The following WWOX variants were observed in gnomAD, a reference collection of about 807,000 sequenced individuals.
The protein encoded by WWOX is WW domain-containing oxidoreductase.
A neutral mutation model predicts 46.2 loss-of-function variants in WWOX; 69 were observed. The observed-to-expected ratio is 1.49, with a 90% CI of 1.23 to 1.82. WWOX has a LOEUF of 1.82. Ranked by LOEUF, WWOX falls within the 40% of genes most tolerant of loss-of-function variation. The pLI is 0.00. For synonymous variants in WWOX, 359 were observed against 202.6 expected (o/e 1.77, Z -6.56); for missense variants, 919 against 542.6 (o/e 1.69, Z -6.89).
chr16:78,595,431 C>T (rs529016097), intron 8 of WWOX, among the ~76,000 whole-genome samples: 3 of 152,146 alleles, frequency 2.0e-5, no homozygotes, highest in Admixed American at 6.5e-5. Flanking sequence ...ACGTAATATT[C>T]GTTGGGATCA....
rs11865034 is a variant in WWOX, at chr16:78,229,703, G to C, written c.516+65414G>C. Among the ~76,000 whole-genome samples, 544 of 151,980 alleles carry C rather than the reference G, an allele frequency of 3.6e-3. 5 individuals are homozygous for C. The highest frequency in any genetic ancestry group is 0.012 in the African/African-American group (502 of 41,432). The stretch of plus-strand genomic sequence containing the variant: ...TAAGTGGACAGTTTCAGTGTTGGTA[G>C]CTCATTTAAGCCATAAACATGCAGA... On this transcript the variant is annotated intron_variant, in intron 5 of 8. Coordinates refer to ENST00000566780, the MANE Select transcript of WWOX (RefSeq NM_016373.4).
At chr16:78,928,654 G>T (rs1472648932) in intron 8 of WWOX, among the ~76,000 whole-genome samples, 2 of 146,268 alleles carry the variant, frequency 1.4e-5, no homozygotes, top group South Asian at 2.2e-4. Context: ...GGGTTTCTTT[G>T]ACTTACTGGA....
At chr16:78,944,588 G>C (rs560004854) in intron 8 of WWOX, among the ~76,000 whole-genome samples, 1 of 152,224 alleles carries the variant, frequency 6.6e-6, no homozygotes, top group South Asian at 2.1e-4. Flanking sequence ...ACTCTGAATT[G>C]AGTGACTCTT....
At chr16:78,800,391 C>T (rs1386889784) in intron 8 of WWOX, among the ~76,000 whole-genome samples, 1 of 152,076 alleles carries the variant, frequency 6.6e-6, no homozygotes, top group African/African-American at 2.4e-5. Context: ...GACCAGCTGT[C>T]GTTATATAAT....
At chr16:78,707,463 T>C (rs1196359093) in intron 8 of WWOX, among the ~76,000 whole-genome samples, 2 of 152,210 alleles carry the variant, frequency 1.3e-5, no homozygotes, top group African/African-American at 2.4e-5. Context: ...CTAGTTGGTA[T>C]AGCTTCCTTC....
chr16:78,334,802 A>ACGCGTG (rs1386510573), intron 5 of WWOX, among the ~76,000 whole-genome samples: 10 of 56,736 alleles, frequency 1.8e-4, no homozygotes, highest in Middle Eastern at 0.019. Context: ...CCACACACAC[A>ACGCGTG]CACACGCACA....
At chr16:79,194,714 C>G (rs2051204417) in intron 8 of WWOX, among the ~76,000 whole-genome samples, 1 of 152,182 alleles carries the variant, frequency 6.6e-6, no homozygotes, top group Non-Finnish European at 1.5e-5. Context: ...GTGCTACTTT[C>G]TCCATCTGCT....
At chr16:78,736,779 T>A (rs547491881) in intron 8 of WWOX, among the ~76,000 whole-genome samples, 25 of 152,220 alleles carry the variant, frequency 1.6e-4, no homozygotes, top group South Asian at 2.1e-4. Context: ...ACTAAATTTT[T>A]AAAAATTTTT....
At chr16:78,844,000 A>G (rs1209173634) in intron 8 of WWOX, among the ~76,000 whole-genome samples, 1 of 152,190 alleles carries the variant, frequency 6.6e-6, no homozygotes, top group Non-Finnish European at 1.5e-5. Flanking sequence ...TGTATTCAAC[A>G]TGCTCTGAGA....
At chr16:78,884,773 C>T (rs2151219423) in intron 8 of WWOX, among the ~76,000 whole-genome samples, 1 of 152,260 alleles carries the variant, frequency 6.6e-6, no homozygotes. Context: ...TTTAATGACA[C>T]ATGTATGTTT....
intron 8 of WWOX, among the ~76,000 whole-genome samples, chr16:78,722,706 T>TTG (rs1470685240): frequency 9.6e-6 from 1 of 103,996 alleles, no homozygotes; most frequent in Non-Finnish European, 2.4e-5. Context: ...CTGTTTTTTT[T>TTG]TTTTTTTTTT....
At chr16:78,779,641 G>A (rs2050276665) in intron 8 of WWOX, among the ~76,000 whole-genome samples, 1 of 152,184 alleles carries the variant, frequency 6.6e-6, no homozygotes, top group South Asian at 2.1e-4. Flanking sequence ...TCAGGGAATC[G>A]TAGCAGAGGG....
chr16:78,726,064 G>T (rs2048824360), intron 8 of WWOX, among the ~76,000 whole-genome samples: 1 of 94,574 alleles, frequency 1.1e-5, no homozygotes, highest in South Asian at 4.0e-4. Flanking sequence ...ACTCCTCCCT[G>T]CTTCCCTTCC....
In WWOX at chr16:78,101,628, C is replaced by G. The variant is rs535937951; in HGVS notation, c.107+1743C>G. Among the ~76,000 whole-genome samples, 24 of 152,224 alleles carry G rather than the reference C, an allele frequency of 1.6e-4. No homozygotes were observed. The East Asian group carries it at 4.1e-3, about 26-fold the overall frequency. ...GAGCCACTGCGTCAGCCCAGAATTT[C>G]TGATTTAATTGGTTTGGCCCCTCCC... On this transcript the variant is annotated intron_variant, in intron 1 of 8. Transcript: ENST00000566780.
intron 6 of WWOX, among the ~76,000 whole-genome samples, chr16:78,424,513 G>A (rs2151959644): frequency 6.6e-6 from 1 of 152,290 alleles, no homozygotes; most frequent in Non-Finnish European, 1.5e-5. Context: ...AGACTTGGAT[G>A]AATTAAGAAA....
At chr16:78,427,530 A>ACATG (rs1555537456) in intron 7 of WWOX, among the ~76,000 whole-genome samples, 1 of 147,472 alleles carries the variant, frequency 6.8e-6, no homozygotes, top group Non-Finnish European at 1.5e-5. Flanking sequence ...AATCACACAT[A>ACATG]CACGCACGCA....
chr16:78,494,381 T>TA (rs1188147678), intron 8 of WWOX, among the ~76,000 whole-genome samples: 4 of 152,098 alleles, frequency 2.6e-5, no homozygotes, highest in Admixed American at 1.3e-4. Flanking sequence ...CACTGGAAGG[T>TA]AAAAAAGTTG....
intron 8 of WWOX, among the ~76,000 whole-genome samples, chr16:78,508,592 T>C (rs2085276467): frequency 1.3e-5 from 2 of 152,186 alleles, no homozygotes; most frequent in South Asian, 4.1e-4. Flanking sequence ...AGGTTTTGCC[T>C]GAGAAATTAC....
chr16:78,674,429 C>A (rs1370759107), intron 8 of WWOX, among the ~76,000 whole-genome samples: 1 of 152,024 alleles, frequency 6.6e-6, no homozygotes, highest in African/African-American at 2.4e-5. Context: ...GAACTACAGG[C>A]GTCCGCCACC....
Sources: allele counts gnomAD v4.1 joint callset (sites outside exome capture counted in the v4.1 genomes callset), GRCh38; gene constraint gnomAD v4.1.1; transcripts MANE v1.5; gene names NCBI Gene and HGNC (gene_info 2026-07-23, HGNC 2026-07-21).